The following VWA3B variants were observed in gnomAD, a reference collection of about 807,000 sequenced individuals.
VWA3B encodes the protein von Willebrand factor A domain-containing protein 3B.
A neutral mutation model predicts 158.3 loss-of-function variants in VWA3B; 138 were observed. The ratio of observed to expected loss-of-function variants is 0.87; its 90% CI spans 0.76 to 1.00. VWA3B has a LOEUF of 1.00. VWA3B is among the 50% of genes least tolerant of loss of function. The pLI, the probability that VWA3B is intolerant of heterozygous loss-of-function variation, is 0.00. For synonymous variants in VWA3B, 596 were observed against 587.3 expected, an observed-to-expected ratio of 1.01 and a Z score of -0.21; for missense variants, 1,555 against 1,565.1, an observed-to-expected ratio of 0.99 and a Z score of 0.11.
intron 12 of VWA3B, among the ~76,000 whole-genome samples, chr2:98,208,414 G>A (rs151119284): frequency 1.5e-3 from 230 of 151,994 alleles, no homozygotes; most frequent in African/African-American, 4.4e-3. Context: ...TTATTTTTGT[G>A]TGTCTCCTCT....
In VWA3B at chr2:98,264,174, C is replaced by A. The variant is rs76818504; in HGVS notation, c.2844-6508C>A. On this transcript the variant is annotated intron_variant, in intron 21 of 27. Transcript: ENST00000477737. ...AATTTGTCAATTTTGTAGGTCTTTT[C>A]AAAAAAAAACAAATCTTGCTTTCAT... Among the ~76,000 whole-genome samples the A allele has an allele frequency of 7.0e-3, 1,035 of 148,176 alleles. 16 individuals carry two copies. Among genetic ancestry groups the A allele is most frequent in the African/African-American group, 0.023 (947 of 40,424 alleles).
chr2:98,321,681 G>A, the VWA3B span, among the ~76,000 whole-genome samples: 2 of 152,172 alleles, frequency 1.3e-5, no homozygotes, highest in Non-Finnish European at 2.9e-5. Context: ...GATTATACAG[G>A]CTCTCAGGCA....
Position 98,129,431 on chromosome 2 carries a change from A to G in VWA3B, c.872+1023A>G, listed in dbSNP as rs114256009. 9.7e-3 allele frequency among the ~76,000 whole-genome samples: 1,474 copies of G among 152,224 alleles called. 40 individuals carry two copies. Among genetic ancestry groups the G allele is most frequent in the African/African-American group, 0.034 (1,408 of 41,532 alleles). On this transcript the variant is annotated intron_variant, in intron 6 of 27. Transcript: ENST00000477737. The stretch of plus-strand genomic sequence containing the variant: ...CTCTTCCTATAAGGTCACTCATCCT[A>G]TAGAATCAGGGCCCTGCCCTATGAC...
rs764090994 is a variant in VWA3B at position 98,181,012 on chromosome 2, A to G, written c.1115-4A>G. On this transcript the variant is annotated splice_polypyrimidine_tract_variant and splice_region_variant and intron_variant, in intron 8 of 27. Coordinates refer to ENST00000477737, the MANE Select transcript of VWA3B (RefSeq NM_144992.5). ...TGAATGGCTGACAAGCTGTGATTCTACAGAGTCAGAAACAACCTCTGTTGA... is the reference window on the plus strand; with the variant it reads ...TGAATGGCTGACAAGCTGTGATTCTGCAGAGTCAGAAACAACCTCTGTTGA... 3 of 1,613,786 alleles carry G rather than the reference A, an allele frequency of 1.9e-6. No individual in the cohort carries two copies. The South Asian group carries it at 3.3e-5, about 18-fold the overall frequency.
At chr2:98,149,783 C>T (rs533160400) in intron 7 of VWA3B, among the ~76,000 whole-genome samples, 1 of 152,278 alleles carries the variant, frequency 6.6e-6, no homozygotes, top group South Asian at 2.1e-4. Context: ...ACCCTATTCC[C>T]CCGCCTCATT....
intron 22 of VWA3B, among the ~76,000 whole-genome samples, chr2:98,288,643 AT>A (rs1689307210): frequency 1.3e-5 from 2 of 152,010 alleles, no homozygotes. Context: ...CTATTTTATG[AT>A]TTGCTATATT....
At chr2:98,311,760 A>G (rs1346689039) in intron 26 of VWA3B, 59 bp from the exon 27 acceptor site, 2 of 1,471,408 alleles carry the variant, frequency 1.4e-6, no homozygotes, top group Non-Finnish European at 1.8e-6. Flanking sequence ...TGGCTTGGAC[A>G]TCTCTGTAGA....
downstream of VWA3B, among the ~76,000 whole-genome samples, chr2:98,315,881 C>G (rs1488294604): frequency 6.6e-6 from 1 of 152,156 alleles, no homozygotes; most frequent in Non-Finnish European, 1.5e-5. Flanking sequence ...ACACAGAAAT[C>G]GATATACACA....
At chr2:98,192,333 G>A (rs1210069299) in intron 10 of VWA3B, 2 of 155,780 alleles carry the variant, frequency 1.3e-5, no homozygotes, top group African/African-American at 4.8e-5. Context: ...AGTCAGCAAA[G>A]GGAGATAAGG....
intron 9 of VWA3B, among the ~76,000 whole-genome samples, chr2:98,181,643 G>A (rs961487713): frequency 1.8e-4 from 28 of 152,116 alleles, no homozygotes; most frequent in Admixed American, 9.2e-4. Context: ...AGCATACAGC[G>A]CAATCCCAGC....
intron 10 of VWA3B, among the ~76,000 whole-genome samples, chr2:98,190,547 A>G (rs1248991167): frequency 1.3e-5 from 2 of 152,016 alleles, no homozygotes; most frequent in Admixed American, 1.3e-4. Flanking sequence ...CTGGTAGTGC[A>G]GGTCTATTGG....
intron 15 of VWA3B, among the ~76,000 whole-genome samples, chr2:98,228,653 C>T (rs561799152): frequency 1.4e-3 from 216 of 152,142 alleles, no homozygotes; most frequent in African/African-American, 5.0e-3. Context: ...ATCAGGAGGC[C>T]GAGGCCTGGA....
At position 98,229,932 on chromosome 2, in the gene VWA3B, C is replaced by G. The variant is rs1574143651; in HGVS notation, c.2151-118C>G. 3.5e-6 allele frequency: 4 copies of G among 1,151,758 alleles called. No individual in the cohort carries two copies. The East Asian group carries it at 1.0e-4, about 30-fold the overall frequency. 71.3% of individuals were successfully genotyped at this position (1,151,758 alleles called of 1,614,324 possible). ...TTATATTAACCCAGATGGGGGAAGG[C>G]TTACTTTTTAAAGTTTGCAGTGTTC... On this transcript the variant is annotated intron_variant, in intron 15 of 27. Transcript: ENST00000477737.
At chr2:98,130,485 G>A (rs1675774315) in intron 6 of VWA3B, among the ~76,000 whole-genome samples, 1 of 152,182 alleles carries the variant, frequency 6.6e-6, no homozygotes, top group South Asian at 2.1e-4. Context: ...ACTGTCACAT[G>A]GGGAGAAACC....
intron 2 of VWA3B, among the ~76,000 whole-genome samples, chr2:98,109,257 G>A (rs1398567517): frequency 6.6e-6 from 1 of 152,078 alleles, no homozygotes; most frequent in Non-Finnish European, 1.5e-5. Context: ...CTCCCAAAGT[G>A]CTGGGATTAC....
intron 2 of VWA3B, among the ~76,000 whole-genome samples, chr2:98,106,137 G>A (rs764683025): frequency 3.3e-5 from 5 of 151,972 alleles, no homozygotes; most frequent in Admixed American, 6.6e-5. Context: ...GTATGGTCTC[G>A]ATCTCCTGAC....
At chr2:98,175,016 C>T (rs1679888271) in intron 8 of VWA3B, among the ~76,000 whole-genome samples, 1 of 152,148 alleles carries the variant, frequency 6.6e-6, no homozygotes, top group Non-Finnish European at 1.5e-5. Context: ...AACAAACAAC[C>T]ACCAAATCAC....
At chr2:98,292,841 G>A (rs549532287) in intron 23 of VWA3B, among the ~76,000 whole-genome samples, 316 of 152,082 alleles carry the variant, frequency 2.1e-3, no homozygotes, top group African/African-American at 7.2e-3. Context: ...GCGGGCACCT[G>A]TAATCCCAGC....
intron 24 of VWA3B, 120 bp from the exon 25 acceptor site, chr2:98,299,959 T>C (rs1690070703): frequency 1.5e-6 from 2 of 1,297,046 alleles, no homozygotes; most frequent in Admixed American, 2.2e-5. Context: ...AAAAAAAATA[T>C]CTATTTGAAT....
Sources: gnomAD v4.1 joint callset for allele counts (sites outside exome capture counted in the v4.1 genomes callset) on GRCh38, gnomAD v4.1.1 for gene constraint, MANE v1.5 for transcripts, NCBI Gene and HGNC (gene_info 2026-07-23, HGNC 2026-07-21) for gene names.